The following NF1 variants were observed in gnomAD, a reference collection of about 807,000 sequenced individuals.
NF1 encodes the protein neurofibromin.
NF1 carries 122 observed loss-of-function variants against 325.7 expected under a neutral mutation model. The ratio of observed to expected loss-of-function variants is 0.37; its 90% CI spans 0.32 to 0.44. The LOEUF is 0.44. NF1 is among the 20% of genes least tolerant of loss of function. NF1 has a pLI of 1.00. For missense variants in NF1, 2,140 were observed against 3,415.4 expected (o/e 0.63, Z 9.31); for synonymous variants, 1,091 against 1,186.0 (o/e 0.92, Z 1.65).
intron 36 of NF1, among the ~76,000 whole-genome samples, chr17:31,315,046 C>T (rs1287797857): frequency 6.6e-6 from 1 of 152,096 alleles, no homozygotes; most frequent in Non-Finnish European, 1.5e-5. Context: ...GCATTTCTCT[C>T]ATCAGTGGTG....
chr17:31,327,011 G>A (rs2069361940), intron 37 of NF1, among the ~76,000 whole-genome samples: 1 of 151,488 alleles, frequency 6.6e-6, no homozygotes, highest in Admixed American at 6.6e-5. Flanking sequence ...GCAGTGGCGT[G>A]ATCTCAGAGT....
At chr17:31,296,486 C>T in intron 36 of NF1, 1 of 742,548 alleles carries the variant, frequency 1.3e-6, no homozygotes, top group East Asian at 2.6e-5. Flanking sequence ...TAACAAAGCT[C>T]CCCTTCATTT....
At position 31,110,899 on chromosome 17, in the gene NF1, CA is replaced by C. The variant is rs577563088; in HGVS notation, c.60+15535del. On this transcript the variant is annotated intron_variant, in intron 1 of 57. Transcript: ENST00000358273. ...CTCATTCTTTACTGTTCTTAAAAAA[CA>C]AAAACAAAAACAAAAAAAACCCAGG... 2.4e-3 allele frequency among the ~76,000 whole-genome samples: 359 copies of C among 151,812 alleles called. 1 individual carries two copies. Among genetic ancestry groups the C allele is most frequent in the Middle Eastern group, 0.02 (6 of 294 alleles).
At chr17:31,132,130 A>G (rs1448427727) in intron 1 of NF1, among the ~76,000 whole-genome samples, 2 of 152,024 alleles carry the variant, frequency 1.3e-5, no homozygotes, top group Non-Finnish European at 2.9e-5. Flanking sequence ...ACGGGGTCTC[A>G]CCTTGTTGCC....
chr17:31,102,951 T>C (rs914478731), intron 1 of NF1, among the ~76,000 whole-genome samples: 1 of 151,912 alleles, frequency 6.6e-6, no homozygotes, highest in Non-Finnish European at 1.5e-5. Flanking sequence ...GTTCAAGCGA[T>C]TCTCCTGCCT....
rs1597753156 is a variant in NF1 at position 31,265,236 on chromosome 17, G to A, written c.4732G>A (p.Val1578Ile). ...KFEEFMTRHQ[V>I]HEKEEFKALK... Reference sequence around the variant, plus strand: ...CTGTTATTTTTCTTTTAGGCATCAGGTACATGAAAAAGAAGAATTCAAGGC... The same window carrying A: ...CTGTTATTTTTCTTTTAGGCATCAGATACATGAAAAAGAAGAATTCAAGGC... Residue 1578 changes from valine to isoleucine, a missense_variant, in exon 36 of 58, where the codon GTA becomes ATA. Transcript: ENST00000358273. 6.2e-7 allele frequency: 1 copy of A among 1,610,494 alleles called. No homozygotes were observed. The highest frequency in any genetic ancestry group is 8.5e-7 in the Non-Finnish European group (1 of 1,177,066).
intron 5 of NF1, among the ~76,000 whole-genome samples, chr17:31,171,399 G>A (rs957806100): frequency 6.6e-5 from 10 of 152,164 alleles, no homozygotes; most frequent in African/African-American, 2.4e-4. Context: ...AGATCTCTAT[G>A]AATTAAAGTT....
chr17:31,243,739 C>A (rs976398014), intron 29 of NF1, among the ~76,000 whole-genome samples: 5 of 151,714 alleles, frequency 3.3e-5, no homozygotes, highest in Non-Finnish European at 5.9e-5. Context: ...AGGGCAGGTC[C>A]AGGAAAGTTT....
chr17:31,140,277 G>T (rs963779199), intron 1 of NF1, among the ~76,000 whole-genome samples: 2 of 152,148 alleles, frequency 1.3e-5, no homozygotes, highest in African/African-American at 4.8e-5. Context: ...GGAAAGTGGT[G>T]GGAGAATAAA....
chr17:31,317,682 TTTTAA>T lies in NF1; in HGVS notation c.4836-8133_4836-8129del, dbSNP rs1351601811. On this transcript the variant is annotated intron_variant, in intron 36 of 57. Transcript: ENST00000358273. ...TACGTGGTCACAGGTTTATTCTGAG[TTTTAA>T]TTTATTATACAAAAGTAAAGGTTTT... 3.3e-5 allele frequency: 5 copies of T among 152,300 alleles called. No homozygotes were observed. In the East Asian group the frequency reaches 5.8e-4, roughly 18 times the overall value. 9.4% of individuals were successfully genotyped at this position (152,300 alleles called of 1,614,324 possible).
chr17:31,214,883 A>G (rs1191808295), intron 13 of NF1, among the ~76,000 whole-genome samples: 3 of 152,160 alleles, frequency 2.0e-5, no homozygotes, highest in Non-Finnish European at 4.4e-5. Flanking sequence ...ACTAAGTTAT[A>G]TATTATTCAG....
chr17:31,206,884 G>A (rs1043108541), intron 12 of NF1, among the ~76,000 whole-genome samples: 1 of 151,966 alleles, frequency 6.6e-6, no homozygotes, highest in Non-Finnish European at 1.5e-5. Context: ...ACAACTGATA[G>A]GAACTTTGAT....
intron 57 of NF1, among the ~76,000 whole-genome samples, chr17:31,364,794 T>A (rs1280044504): frequency 6.6e-6 from 1 of 152,224 alleles, no homozygotes; most frequent in Non-Finnish European, 1.5e-5. Flanking sequence ...TGGGATTCAG[T>A]GCATATAGAA....
intron 36 of NF1, chr17:31,320,651 G>C (rs537454202): frequency 2.3e-6 from 1 of 432,814 alleles, no homozygotes; most frequent in East Asian, 3.4e-5. Context: ...AAATATTCCA[G>C]GATTAAGATT....
rs557990866 is a variant in NF1, at chr17:31,342,739, G to A, written c.7063-270G>A. Reference sequence around the variant, plus strand: ...GTTAATAAGCATGTTAAAAGTCACCGGGATGTAAATTGACAGTCATTTATT... The same window carrying A: ...GTTAATAAGCATGTTAAAAGTCACCAGGATGTAAATTGACAGTCATTTATT... On this transcript the variant is annotated intron_variant, in intron 47 of 57. Transcript: ENST00000358273. Among the ~76,000 whole-genome samples the A allele has an allele frequency of 3.3e-5, 5 of 152,258 alleles. No individual in the cohort carries two copies. In the South Asian group the frequency reaches 1.0e-3, roughly 32 times the overall value.
intron 36 of NF1, among the ~76,000 whole-genome samples, chr17:31,277,462 A>G (rs985124702): frequency 6.6e-6 from 1 of 152,184 alleles, no homozygotes; most frequent in Non-Finnish European, 1.5e-5. Context: ...TTTTGGGATT[A>G]TTTGTGACAG....
In NF1 at chr17:31,181,741, A is replaced by G. The variant is rs1060500285; in HGVS notation, c.686A>G (p.Asp229Gly). 6.2e-7 allele frequency: 1 copy of G among 1,609,914 alleles called. No individual in the cohort carries two copies. Among genetic ancestry groups the G allele is most frequent in the Non-Finnish European group, 8.5e-7 (1 of 1,176,442 alleles). The change falls in exon 7 of 58, where the codon GAT becomes GGT. Residue 229 changes from aspartate (D) to glycine (G), a missense_variant. By Grantham distance (94) the Asp-to-Gly change is moderately conservative. Around this residue, in one of 10 missense-constraint regions of NF1, gnomAD observed 246 missense variants for 347.8 expected, o/e 0.71. Transcript: ENST00000358273. ...AFWNWVENYP[D>G]EFTKLYQIPQ... is the part of the protein sequence containing the mutation. ...TGGAACTGGGTAGAAAATTATCCAG[A>G]TGAATTTACAAAACTGTACCAGATC...
intron 8 of NF1, among the ~76,000 whole-genome samples, chr17:31,184,107 C>T (rs1170571818): frequency 6.6e-6 from 1 of 152,028 alleles, no homozygotes; most frequent in Non-Finnish European, 1.5e-5. Flanking sequence ...GAGTTTGCTG[C>T]TTAATATGAT....
intron 1 of NF1, among the ~76,000 whole-genome samples, chr17:31,110,846 G>A (rs1014997169): frequency 2.6e-5 from 4 of 151,784 alleles, no homozygotes; most frequent in African/African-American, 4.8e-5. Context: ...AAACTTTGGC[G>A]CAGGACTCTA....
Sources: allele counts gnomAD v4.1 joint callset (sites outside exome capture counted in the v4.1 genomes callset), GRCh38; gene constraint gnomAD v4.1.1; regional missense constraint gnomAD v4.1.1; transcripts MANE v1.5; gene names NCBI Gene and HGNC (gene_info 2026-07-23, HGNC 2026-07-21).